Variants in DPP7 observed in about 807,000 individuals in gnomAD.
DPP7 encodes dipeptidyl peptidase 2.
A neutral mutation model predicts 58.8 loss-of-function variants in DPP7; 74 were observed. That is an observed-to-expected ratio of 1.26 (90% confidence interval 1.04 to 1.53). The LOEUF is 1.53. Ranked by LOEUF, DPP7 falls within the 40% of genes most tolerant of loss-of-function variation. The pLI is 0.00. For synonymous variants in DPP7, 350 were observed against 303.6 expected (o/e 1.15, Z -1.59); for missense variants, 807 against 692.3 (o/e 1.17, Z -1.86).
intron 8 of DPP7, 116 bp from the exon 9 acceptor site, chr9:137,112,346 G>A: frequency 2.3e-6 from 2 of 859,304 alleles, no homozygotes; most frequent in Non-Finnish European, 3.5e-6. Context: ...TCTGGGATCT[G>A]TAGGTCCCAG....
Position 137,113,400 on chromosome 9 carries a change from G to C in DPP7, c.582C>G (p.Gly194=). The C allele has an allele frequency of 1.2e-6, 2 of 1,609,886 alleles. No homozygotes were observed. Among genetic ancestry groups the C allele is most frequent in the South Asian group, 2.2e-5 (2 of 90,978 alleles). The change falls in exon 5 of 13, where the codon GGC becomes GGG. Residue 194 remains glycine (G), a synonymous_variant. Coordinates refer to ENST00000371579, the MANE Select transcript of DPP7 (RefSeq NM_013379.3). Reference sequence around the variant, plus strand: ...GGAAGAACTGGTTGGAGTCGCCGAGGCCTGCCACAGCTAGAACGGGCGCGC... The same window carrying C: ...GGAAGAACTGGTTGGAGTCGCCGAGCCCTGCCACAGCTAGAACGGGCGCGC... ...AASAPVLAVA[G]LGDSNQFFRD...
intron 8 of DPP7, chr9:137,112,533 G>T: frequency 1.5e-6 from 1 of 685,728 alleles, no homozygotes; most frequent in Non-Finnish European, 2.4e-6. Context: ...ACCAAGCTGG[G>T]CCTGGCTACA....
In DPP7 at chr9:137,111,755, C is replaced by T; in HGVS notation, c.1208-1G>A. ...ATGATGTTGCTGGCGGCTCTGAGATCTGCAAGGGGCAGAGAAAGTTGTGAT... is the reference window on the plus strand; with the variant it reads ...ATGATGTTGCTGGCGGCTCTGAGATTTGCAAGGGGCAGAGAAAGTTGTGAT... On this transcript the variant is annotated splice_acceptor_variant, in intron 10 of 12. Transcript: ENST00000371579. LOFTEE classifies it high-confidence loss of function. 6.2e-7 allele frequency: 1 copy of T among 1,613,712 alleles called. No individual in the cohort carries two copies. Among genetic ancestry groups the T allele is most frequent in the Non-Finnish European group, 8.5e-7 (1 of 1,180,014 alleles).
chr9:137,113,028 G>A lies in DPP7; in HGVS notation c.795C>T (p.Ala265=), dbSNP rs779296786. The A allele has an allele frequency of 1.2e-6, 2 of 1,613,840 alleles. No individual in the cohort carries two copies. Among genetic ancestry groups the A allele is most frequent in the African/African-American group, 1.3e-5 (1 of 75,080 alleles). The change falls in exon 7 of 13, where the codon GCC becomes GCT. Residue 265 remains alanine, a synonymous_variant. Transcript: ENST00000371579. Reference sequence around the variant, plus strand: ...AGTCCATCATGGCCAGCACGGTGAAGGCATTCCGGGCGAACATGAAGAGCT... The same window carrying A: ...AGTCCATCATGGCCAGCACGGTGAAAGCATTCCGGGCGAACATGAAGAGCT... ...LTQLFMFARN[A]FTVLAMMDYP...
At chr9:137,118,064 T>G (rs1831670260), upstream of DPP7, among the ~76,000 whole-genome samples, 1 of 152,104 alleles carries the variant, frequency 6.6e-6, no homozygotes, top group Non-Finnish European at 1.5e-5. Flanking sequence ...CTCGGCTTAC[T>G]GCAACTTCCG....
chr9:137,118,035 T>C (rs1398674985), upstream of DPP7, among the ~76,000 whole-genome samples: 1 of 152,028 alleles, frequency 6.6e-6, no homozygotes, highest in African/African-American at 2.4e-5. Context: ...TTGTCCAGGC[T>C]GGAGTGAAGT....
rs375067444 is a variant in DPP7, at chr9:137,112,731, C to T, written c.931+14G>A. On this transcript the variant is annotated intron_variant, in intron 8 of 12. Transcript: ENST00000371579. ...GTCTCCACACTTGCCCATCTGGGGC[C>T]GGGGGAAGGGCACCTGCCAGTGCTC... is the stretch of plus-strand genomic sequence containing the variant. 93 of 1,587,742 alleles carry T rather than the reference C, an allele frequency of 5.9e-5. No individual in the cohort carries two copies. In the African/African-American group the frequency reaches 7.0e-4, roughly 12 times the overall value.
rs1301882613 is a variant in DPP7, at chr9:137,114,005, C to T, written c.345G>A (p.Pro115=). ...CGCGCTGCGTGGACTGCGCACCGAA[C>T]GGCAGCGACTTCCCGTAGTAGCGCT... ...AEHRYYGKSL[P]FGAQSTQRGH... The change falls in exon 4 of 13, where the codon CCG becomes CCA. Residue 115 remains proline (P), a synonymous_variant. Coordinates refer to ENST00000371579, the MANE Select transcript of DPP7 (RefSeq NM_013379.3). The T allele has an allele frequency of 1.3e-6, 2 of 1,521,068 alleles. No homozygotes were observed. Among genetic ancestry groups the T allele is most frequent in the East Asian group, 2.5e-5 (1 of 39,454 alleles). The allele number at this position is 1,521,068 out of a possible 1,614,324, so 94.2% of individuals were successfully genotyped here. A position where few individuals can be genotyped will look rare whatever the true frequency, so the allele number is the denominator to read the frequency against.
Position 137,112,046 on chromosome 9 carries a change from C to T in DPP7, c.1051-17G>A. 6.2e-7 allele frequency: 1 copy of T among 1,613,158 alleles called. No homozygotes were observed. The highest frequency in any genetic ancestry group is 8.5e-7 in the Non-Finnish European group (1 of 1,179,714). On this transcript the variant is annotated splice_polypyrimidine_tract_variant and intron_variant, in intron 9 of 12. Coordinates refer to ENST00000371579, the MANE Select transcript of DPP7 (RefSeq NM_013379.3). ...GGTGCAGGCCTGCAGGTGCCCCAGCCTGAGTCAGGCCAGCCCACGCCCACC... is the reference window on the plus strand; with the variant it reads ...GGTGCAGGCCTGCAGGTGCCCCAGCTTGAGTCAGGCCAGCCCACGCCCACC...
At chr9:137,111,664 G>A (rs754201992) in intron 11 of DPP7, 26 bp downstream of exon 11, 6 of 1,609,930 alleles carry the variant, frequency 3.7e-6, no homozygotes, top group South Asian at 3.3e-5. Context: ...AACTAACGGG[G>A]TCATAGGGCC....
rs1831454793 is a variant in DPP7 at position 137,113,046 on chromosome 9, G to A, written c.777C>T (p.Phe259=). 1 of 1,613,910 alleles carries A rather than the reference G, an allele frequency of 6.2e-7. No homozygotes were observed. The highest frequency in any genetic ancestry group is 2.2e-5 in the East Asian group (1 of 44,886). ...CGGTGAAGGCATTCCGGGCGAACAT[G>A]AAGAGCTGGGTCAGGTCCTTCTCGT... is the stretch of plus-strand genomic sequence containing the variant. ...LSDEKDLTQL[F]MFARNAFTVL... is the part of the protein sequence containing the mutation. The change falls in exon 7 of 13, where the codon TTC becomes TTT. Residue 259 remains phenylalanine, a synonymous_variant. Transcript: ENST00000371579.
chr9:137,112,809 G>T lies in DPP7; in HGVS notation c.871-4C>A. On this transcript the variant is annotated splice_region_variant and splice_polypyrimidine_tract_variant and intron_variant, in intron 7 of 12. Transcript: ENST00000371579. The stretch of plus-strand genomic sequence containing the variant: ...TCAGCAGCCGATCACAGCCCACCTG[G>T]AGTGCAGGGGCAGCGGCGACTCAGC... 1.2e-6 allele frequency: 2 copies of T among 1,609,428 alleles called. No individual in the cohort carries two copies. The highest frequency in any genetic ancestry group is 8.5e-7 in the Non-Finnish European group (1 of 1,179,382).
At chr9:137,117,650 G>A (rs901471339), upstream of DPP7, among the ~76,000 whole-genome samples, 9 of 152,310 alleles carry the variant, frequency 5.9e-5, no homozygotes, top group Middle Eastern at 3.4e-3. Context: ...CACACATCAC[G>A]TCTGTGCTGT....
At chr9:137,114,442 G>C (rs760763263) in intron 2 of DPP7, 21 bp downstream of exon 2, 2 of 1,555,992 alleles carry the variant, frequency 1.3e-6, no homozygotes, top group African/African-American at 1.4e-5. Context: ...GGGGGCGGCC[G>C]GGCCGGGGCC....
intron 2 of DPP7, 31 bp from the exon 3 acceptor site, chr9:137,114,413 CG>C (rs1169280121): frequency 2.6e-6 from 4 of 1,562,106 alleles, no homozygotes; most frequent in East Asian, 4.8e-5. Context: ...GCGAGGGTGC[CG>C]GGGGGCGGCG....
chr9:137,113,742 A>G lies in DPP7; in HGVS notation c.485+123T>C, dbSNP rs562422867. 699 of 1,400,012 alleles carry G rather than the reference A, an allele frequency of 5.0e-4. 5 individuals carry two copies. In the African/African-American group the frequency reaches 9.4e-3, roughly 19 times the overall value. 86.7% of individuals were successfully genotyped at this position (1,400,012 alleles called of 1,614,324 possible). On this transcript the variant is annotated intron_variant, in intron 4 of 12. Transcript: ENST00000371579. Reference sequence around the variant, plus strand: ...TGGGGGAGGCAACACTAAGCCTGGAACCACTGCCTGAGGCCTTACGAAAAG... The same window carrying G: ...TGGGGGAGGCAACACTAAGCCTGGAGCCACTGCCTGAGGCCTTACGAAAAG...
At position 137,110,912 on chromosome 9, in the gene DPP7, G is replaced by A; in HGVS notation, c.1311C>T (p.Thr437=). Residue 437 remains threonine (T), a synonymous_variant, in exon 12 of 13, where the codon ACC becomes ACT. Transcript: ENST00000371579. ...CGAGGTGGTGCGCTCCCCCCTGGAT[G>A]GTGACGGCGATGACTGAGGCACTCA... The part of the protein sequence containing the change: ...RNLSASVIAV[T]IQGGAHHLDL... 6.2e-7 allele frequency: 1 copy of A among 1,613,108 alleles called. No homozygotes were observed. Among genetic ancestry groups the A allele is most frequent in the South Asian group, 1.1e-5 (1 of 91,050 alleles).
At chr9:137,115,940 C>T (rs1469027509), upstream of DPP7, among the ~76,000 whole-genome samples, 1 of 152,094 alleles carries the variant, frequency 6.6e-6, no homozygotes, top group Non-Finnish European at 1.5e-5. Context: ...CGGCGTCCCC[C>T]ACCCCACACC....
At chr9:137,113,624 A>G (rs1564324510) in intron 4 of DPP7, 128 bp from the exon 5 acceptor site, 25 of 1,433,360 alleles carry the variant, frequency 1.7e-5, no homozygotes, top group Non-Finnish European at 2.0e-5. Flanking sequence ...ACCCTGGGCC[A>G]GGTGCGGGTG....
Sources: allele counts gnomAD v4.1 joint callset (sites outside exome capture counted in the v4.1 genomes callset), GRCh38; gene constraint gnomAD v4.1.1; transcripts MANE v1.5; gene names NCBI Gene and HGNC (gene_info 2026-07-23, HGNC 2026-07-21).